Variants in RIMS2 observed in about 807,000 individuals in gnomAD.
RIMS2 encodes regulating synaptic membrane exocytosis protein 2.
In RIMS2, 59 loss-of-function variants were observed where a neutral mutation model predicts 174.4. The observed-to-expected ratio is 0.34, with a 90% CI of 0.27 to 0.42. The LOEUF is 0.42. Ranked by LOEUF, RIMS2 falls within the 10% of genes least tolerant of loss-of-function variation. The pLI is 1.00. For synonymous variants in RIMS2, 606 were observed against 572.5 expected, an observed-to-expected ratio of 1.06 and a Z score of -0.84; for missense variants, 1,620 against 1,666.3, an observed-to-expected ratio of 0.97 and a Z score of 0.48.
At chr8:103,711,608 A>G (rs1248364332) in intron 2 of RIMS2, among the ~76,000 whole-genome samples, 1 of 152,166 alleles carries the variant, frequency 6.6e-6, no homozygotes, top group African/African-American at 2.4e-5. Context: ...TGATGAAAAT[A>G]TATCAGGCAG....
At chr8:103,603,547 G>A (rs900452157) in intron 1 of RIMS2, among the ~76,000 whole-genome samples, 4 of 152,144 alleles carry the variant, frequency 2.6e-5, no homozygotes, top group Non-Finnish European at 5.9e-5. Context: ...GGTATTTCTA[G>A]TTCTGGATCC....
At chr8:103,867,743 A>C (rs2099090685) in intron 3 of RIMS2, among the ~76,000 whole-genome samples, 1 of 151,966 alleles carries the variant, frequency 6.6e-6, no homozygotes, top group South Asian at 2.1e-4. Context: ...CATCAAATTA[A>C]ATAAAAAATA....
At chr8:104,057,093 G>A (rs1246896305) in intron 19 of RIMS2, among the ~76,000 whole-genome samples, 1 of 145,930 alleles carries the variant, frequency 6.9e-6, no homozygotes, top group Admixed American at 6.9e-5. Context: ...TTGAGACAAG[G>A]TCTCACTCTG....
chr8:103,674,485 T>G (rs1030454960), intron 1 of RIMS2, among the ~76,000 whole-genome samples: 1 of 150,192 alleles, frequency 6.7e-6, no homozygotes, highest in East Asian at 1.9e-4. Context: ...TTTTTAACTG[T>G]TTTTTTTGTA....
At chr8:104,030,196 T>C (rs764445096) in intron 19 of RIMS2, among the ~76,000 whole-genome samples, 1 of 152,072 alleles carries the variant, frequency 6.6e-6, no homozygotes, top group African/African-American at 2.4e-5. Flanking sequence ...GGGATTAAAA[T>C]ACACATAGAG....
chr8:103,865,216 A>C (rs2099078711), intron 3 of RIMS2, among the ~76,000 whole-genome samples: 1 of 151,092 alleles, frequency 6.6e-6, no homozygotes, highest in Non-Finnish European at 1.5e-5. Context: ...CTTTCCAACT[A>C]CCTTTAAAAT....
intron 19 of RIMS2, among the ~76,000 whole-genome samples, chr8:104,195,408 T>G (rs2099019056): frequency 6.6e-6 from 1 of 152,188 alleles, no homozygotes; most frequent in Non-Finnish European, 1.5e-5. Context: ...TGGGGATATT[T>G]TGAGGTTTTG....
intron 2 of RIMS2, among the ~76,000 whole-genome samples, chr8:103,747,359 G>T (rs2097834889): frequency 6.7e-6 from 1 of 149,758 alleles, no homozygotes; most frequent in South Asian, 2.1e-4. Context: ...AGACTGTAAA[G>T]AACTTTTTGG....
intron 17 of RIMS2, among the ~76,000 whole-genome samples, chr8:104,010,073 T>A (rs2095710097): frequency 6.6e-6 from 1 of 152,048 alleles, no homozygotes; most frequent in Admixed American, 6.6e-5. Context: ...AGACAAGAGT[T>A]CCCACTACTA....
At chr8:103,832,704 T>C (rs1048307591) in intron 3 of RIMS2, among the ~76,000 whole-genome samples, 7 of 152,206 alleles carry the variant, frequency 4.6e-5, no homozygotes, top group African/African-American at 1.7e-4. Flanking sequence ...GTCCCTGCAA[T>C]AGACATGATC....
At chr8:103,918,562 A>G (rs759555952) in intron 9 of RIMS2, 75 bp downstream of exon 12, 1 of 943,974 alleles carries the variant, frequency 1.1e-6, no homozygotes, top group Admixed American at 1.8e-5. Flanking sequence ...GTATTTAACT[A>G]GTAATGTGAA....
intron 4 of RIMS2, among the ~76,000 whole-genome samples, chr8:103,902,172 C>T (rs1023362819): frequency 3.3e-5 from 5 of 152,118 alleles, no homozygotes; most frequent in African/African-American, 9.7e-5. Flanking sequence ...CCCACATCTC[C>T]TAAAGGCTGT....
At chr8:103,728,248 G>A (rs2097547419) in intron 2 of RIMS2, among the ~76,000 whole-genome samples, 1 of 151,966 alleles carries the variant, frequency 6.6e-6, no homozygotes, top group African/African-American at 2.4e-5. Context: ...TTTACTGTTG[G>A]CATATAGAAA....
intron 1 of RIMS2, among the ~76,000 whole-genome samples, chr8:103,566,727 C>T (rs1166901869): frequency 6.6e-6 from 1 of 152,096 alleles, no homozygotes; most frequent in South Asian, 2.1e-4. Context: ...TATATCCTTT[C>T]CTATATCCTT....
At chr8:103,523,039 A>G (rs1832460161) in intron 1 of RIMS2, among the ~76,000 whole-genome samples, 1 of 152,060 alleles carries the variant, frequency 6.6e-6, no homozygotes, top group Admixed American at 6.6e-5. Flanking sequence ...CTTGAATGTA[A>G]ACTGGAATTA....
chr8:103,610,558 C>T (rs1362430735), intron 1 of RIMS2, among the ~76,000 whole-genome samples: 1 of 152,134 alleles, frequency 6.6e-6, no homozygotes, highest in Non-Finnish European at 1.5e-5. Context: ...TGAATTTTAT[C>T]AAAAACCTTT....
intron 19 of RIMS2, among the ~76,000 whole-genome samples, chr8:104,159,571 C>A (rs2098747903): frequency 6.6e-6 from 1 of 152,074 alleles, no homozygotes; most frequent in South Asian, 2.1e-4. Context: ...CAGATCCTTG[C>A]CAATACTTAA....
chr8:104,205,650 G>C (rs2099076433), intron 19 of RIMS2, among the ~76,000 whole-genome samples: 1 of 152,092 alleles, frequency 6.6e-6, no homozygotes, highest in African/African-American at 2.4e-5. Flanking sequence ...TAAAGTGATA[G>C]TTAAGAATAC....
At chr8:103,652,077 A>G (rs1374777834) in intron 1 of RIMS2, 128 bp from the exon 2 acceptor site, 1 of 280,876 alleles carries the variant, frequency 3.6e-6, no homozygotes, top group East Asian at 9.4e-5. Flanking sequence ...ATTTCAATAT[A>G]TGGCAAAGCA....
Sources: gnomAD v4.1 joint callset for allele counts (sites outside exome capture counted in the v4.1 genomes callset) on GRCh38, gnomAD v4.1.1 for gene constraint, MANE v1.5 for transcripts, NCBI Gene and HGNC (gene_info 2026-07-23, HGNC 2026-07-21) for gene names.